TMEM131L: variants seen among roughly 807,000 people sequenced by gnomAD.
TMEM131L encodes the protein transmembrane protein 131-like.
TMEM131L carries 54 observed loss-of-function variants against 192.2 expected under a neutral mutation model. The ratio of observed to expected loss-of-function variants is 0.28; its 90% CI spans 0.23 to 0.35. The LOEUF is 0.35. Among genes scored for constraint, TMEM131L ranks in the 10% least tolerant of loss-of-function variants. TMEM131L has a pLI of 1.00. For synonymous variants in TMEM131L, 701 were observed against 704.9 expected (o/e 0.99, Z 0.09); for missense variants, 1,888 against 1,972.9 (o/e 0.96, Z 0.82).
At chr4:153,563,625 G>A (rs1383601566) in intron 7 of TMEM131L, among the ~76,000 whole-genome samples, 3 of 151,602 alleles carry the variant, frequency 2.0e-5, no homozygotes, top group South Asian at 2.1e-4. Context: ...ATGCTACCAC[G>A]CCCAGCTAAT....
chr4:153,636,634 TA>T lies in TMEM131L; in HGVS notation c.*61del. The T allele has an allele frequency of 6.6e-7, 1 of 1,514,028 alleles. No homozygotes were observed. Among genetic ancestry groups the T allele is most frequent in the African/African-American group, 1.4e-5 (1 of 72,464 alleles). 93.8% of individuals were successfully genotyped at this position (1,514,028 alleles called of 1,614,324 possible). A position where few individuals can be genotyped will look rare whatever the true frequency, so the allele number is the denominator to read the frequency against. ...GAGGCTTGTGTTTTGATTACTAGTG[TA>T]AACTGGTTATTGAGATAGATTATGA... On this transcript the variant is annotated 3_prime_UTR_variant, in exon 35 of 35. Coordinates refer to ENST00000409959, the MANE Select transcript of TMEM131L (RefSeq NM_001131007.2).
At chr4:153,597,654 C>T (rs2150904293) in intron 20 of TMEM131L, among the ~76,000 whole-genome samples, 1 of 152,222 alleles carries the variant, frequency 6.6e-6, no homozygotes, top group South Asian at 2.1e-4. Flanking sequence ...ATTTCCAGGC[C>T]AGGTGTAGTG....
intron 31 of TMEM131L, among the ~76,000 whole-genome samples, chr4:153,628,290 G>C (rs1467810562): frequency 6.6e-6 from 1 of 152,196 alleles, no homozygotes; most frequent in Non-Finnish European, 1.5e-5. Flanking sequence ...TCTCCTGCCT[G>C]GGGGCTCTGA....
At chr4:153,511,561 C>T (rs775826960) in intron 3 of TMEM131L, among the ~76,000 whole-genome samples, 13 of 152,074 alleles carry the variant, frequency 8.5e-5, no homozygotes, top group African/African-American at 1.2e-4. Context: ...ATCTGTATAT[C>T]GAACCCCCAT....
At chr4:153,617,568 A>AT (rs1733069262) in intron 26 of TMEM131L, among the ~76,000 whole-genome samples, 1 of 152,200 alleles carries the variant, frequency 6.6e-6, no homozygotes, top group East Asian at 1.9e-4. Flanking sequence ...ATTTTCCTTC[A>AT]TTTTTTGTAG....
chr4:153,586,936 T>C (rs1358054640), intron 14 of TMEM131L, among the ~76,000 whole-genome samples: 1 of 152,218 alleles, frequency 6.6e-6, no homozygotes, highest in East Asian at 1.9e-4. Context: ...TCTTTTCATT[T>C]GGTTATTATT....
intron 3 of TMEM131L, among the ~76,000 whole-genome samples, chr4:153,524,206 G>T (rs1735319110): frequency 7.0e-6 from 1 of 141,848 alleles, no homozygotes; most frequent in African/African-American, 2.7e-5. Flanking sequence ...GCTCTGGATT[G>T]CCATTCTCAG....
intron 21 of TMEM131L, 112 bp downstream of exon 21, chr4:153,598,844 T>A: frequency 2.4e-6 from 2 of 835,126 alleles, no homozygotes; most frequent in Non-Finnish European, 3.3e-6. Flanking sequence ...TTTTAAATTC[T>A]AAAAATTTAT....
At chr4:153,533,148 G>A (rs565008033) in intron 3 of TMEM131L, among the ~76,000 whole-genome samples, 28 of 152,042 alleles carry the variant, frequency 1.8e-4, no homozygotes, top group South Asian at 1.2e-3. Flanking sequence ...TACCACACCC[G>A]GCTAATTTTG....
At chr4:153,476,358 G>A (rs908929155) in intron 3 of TMEM131L, among the ~76,000 whole-genome samples, 1 of 152,194 alleles carries the variant, frequency 6.6e-6, no homozygotes, top group Non-Finnish European at 1.5e-5. Context: ...TATATTTATA[G>A]TCTTGTAGCA....
At chr4:153,466,736 T>G (rs1730775624) in intron 1 of TMEM131L, among the ~76,000 whole-genome samples, 1 of 152,080 alleles carries the variant, frequency 6.6e-6, no homozygotes. Flanking sequence ...AGCGGGGCAG[T>G]CGCGGGGCTT....
In TMEM131L at chr4:153,602,962, T is replaced by C. The variant is rs577362501; in HGVS notation, c.2639+235T>C. Among the ~76,000 whole-genome samples, 9 of 152,330 alleles carry C rather than the reference T, an allele frequency of 5.9e-5. No homozygotes were observed. In the South Asian group the frequency reaches 1.9e-3, roughly 32 times the overall value. Reference sequence around the variant, plus strand: ...GTATCATAGACAGTTGTGCTCCATATATAGTGTGTTCATAGGCAGTCATGG... The same window carrying C: ...GTATCATAGACAGTTGTGCTCCATACATAGTGTGTTCATAGGCAGTCATGG... On this transcript the variant is annotated intron_variant, in intron 23 of 34. Coordinates refer to ENST00000409959, the MANE Select transcript of TMEM131L (RefSeq NM_001131007.2).
At chr4:153,627,710 C>T in intron 31 of TMEM131L, 23 bp downstream of exon 31, 2 of 1,576,226 alleles carry the variant, frequency 1.3e-6, no homozygotes, top group Non-Finnish European at 1.7e-6. Flanking sequence ...CGTCTTGCTG[C>T]AGACATCAGC....
At chr4:153,596,146 C>A in intron 19 of TMEM131L, 112 bp from the exon 20 acceptor site, 2 of 1,276,114 alleles carry the variant, frequency 1.6e-6, no homozygotes, top group Non-Finnish European at 2.2e-6. Context: ...TTAGGAGGAT[C>A]AAATCTGGAC....
chr4:153,580,955 T>C, intron 8 of TMEM131L, 52 bp downstream of exon 8: 1 of 1,326,422 alleles, frequency 7.5e-7, no homozygotes, highest in Non-Finnish European at 1.1e-6. Context: ...GCCTCTTTGC[T>C]TAAAAATAAA....
intron 7 of TMEM131L, among the ~76,000 whole-genome samples, chr4:153,570,873 T>G (rs1026305394): frequency 6.6e-6 from 1 of 152,226 alleles, no homozygotes; most frequent in East Asian, 1.9e-4. Flanking sequence ...GTTGACACTT[T>G]GGAAGTGTGA....
chr4:153,499,196 C>CA (rs1452185518), intron 3 of TMEM131L, among the ~76,000 whole-genome samples: 1 of 152,234 alleles, frequency 6.6e-6, no homozygotes, highest in Non-Finnish European at 1.5e-5. Flanking sequence ...CGCCTTGTAA[C>CA]TTGTGAGCAC....
chr4:153,579,814 A>G (rs563639349), intron 7 of TMEM131L, among the ~76,000 whole-genome samples: 1 of 152,258 alleles, frequency 6.6e-6, no homozygotes, highest in South Asian at 2.1e-4. Context: ...CTGAATGACA[A>G]TTGAAGTAGT....
At position 153,466,521 on chromosome 4, in the gene TMEM131L, G is replaced by T; in HGVS notation, c.124G>T (p.Ala42Ser). The T allele has an allele frequency of 7.3e-7, 1 of 1,370,708 alleles. No individual in the cohort carries two copies. Among genetic ancestry groups the T allele is most frequent in the Admixed American group, 2.8e-5 (1 of 35,612 alleles). The allele number at this position is 1,370,708 out of a possible 1,614,324, so 84.9% of individuals were successfully genotyped here. ...CCRPGGAQGQ[A>S]IEPLPNVVEL... is the part of the protein sequence containing the mutation. ...TCGCCCGGGAGGGGCTCAGGGACAAGGTCAGCCTTGCGCCGCTGGGCTCGC... is the reference window on the plus strand; with the variant it reads ...TCGCCCGGGAGGGGCTCAGGGACAATGTCAGCCTTGCGCCGCTGGGCTCGC... The change falls in exon 1 of 35, where the codon GCG (alanine) becomes TCG (serine). Residue 42 changes from alanine to serine, a missense_variant and splice_region_variant. Physicochemically the swap from Ala to Ser is moderately conservative, Grantham distance 99. Transcript: ENST00000409959.
Sources: allele counts gnomAD v4.1 joint callset (sites outside exome capture counted in the v4.1 genomes callset), GRCh38; gene constraint gnomAD v4.1.1; transcripts MANE v1.5; gene names NCBI Gene and HGNC (gene_info 2026-07-23, HGNC 2026-07-21).